Variants in SRPK2 observed in about 807,000 individuals in gnomAD.
SRPK2 encodes the protein SRSF protein kinase 2, also known as SFRS protein kinase 2.
A neutral mutation model predicts 90.8 loss-of-function variants in SRPK2; 21 were observed. The ratio of observed to expected loss-of-function variants is 0.23; its 90% confidence interval spans 0.16 to 0.33. SRPK2 has a LOEUF of 0.33. Ranked by LOEUF, SRPK2 falls within the 10% of genes least tolerant of loss-of-function variation. The pLI is 1.00. For missense variants in SRPK2, 620 were observed against 869.0 expected, an observed-to-expected ratio of 0.71 and a Z score of 3.60; for synonymous variants, 288 against 311.1, an observed-to-expected ratio of 0.93 and a Z score of 0.78.
At chr7:105,238,771 A>G (rs931482095) in intron 2 of SRPK2, among the ~76,000 whole-genome samples, 2 of 152,222 alleles carry the variant, frequency 1.3e-5, no homozygotes, top group Non-Finnish European at 2.9e-5. Context: ...TTTGATTTTA[A>G]TAAGAAAATC....
At chr7:105,282,469 CTT>C (rs1329486810) in intron 2 of SRPK2, among the ~76,000 whole-genome samples, 1 of 152,176 alleles carries the variant, frequency 6.6e-6, no homozygotes, top group Non-Finnish European at 1.5e-5. Flanking sequence ...GATAAATAAA[CTT>C]AACATCATAA....
rs1363379599 is a variant in SRPK2 at position 105,257,958 on chromosome 7, T to G, written c.72-54173A>C. 3.3e-5 allele frequency among the ~76,000 whole-genome samples: 5 copies of G among 150,728 alleles called. No homozygotes were observed. The East Asian group carries it at 6.0e-4, about 18-fold the overall frequency. The stretch of plus-strand genomic sequence containing the variant: ...CCGTCTCTACTAAAAATACAAAAAG[T>G]TAGCCAGGCGTGGTGGCACGCGCCT... On this transcript the variant is annotated intron_variant, in intron 2 of 15. Coordinates refer to ENST00000393651, the MANE Select transcript of SRPK2 (RefSeq NM_182692.3).
At chr7:105,208,225 C>T (rs761098807) in intron 2 of SRPK2, among the ~76,000 whole-genome samples, 12 of 152,082 alleles carry the variant, frequency 7.9e-5, no homozygotes, top group East Asian at 1.9e-4. Context: ...TCTTGGAAAA[C>T]GGTCTGGCAG....
At chr7:105,169,799 A>G (rs1200675229) in intron 3 of SRPK2, among the ~76,000 whole-genome samples, 2 of 152,162 alleles carry the variant, frequency 1.3e-5, no homozygotes, top group African/African-American at 4.8e-5. Context: ...CACCGTAATG[A>G]TAACTTGAGG....
intron 2 of SRPK2, among the ~76,000 whole-genome samples, chr7:105,352,465 G>C (rs996936374): frequency 6.6e-6 from 1 of 152,242 alleles, no homozygotes; most frequent in Admixed American, 6.5e-5. Context: ...CCTCAGCCAA[G>C]CCTTCAAAAT....
chr7:105,311,050 A>T (rs1811649362), intron 2 of SRPK2, among the ~76,000 whole-genome samples: 1 of 152,148 alleles, frequency 6.6e-6, no homozygotes, highest in Admixed American at 6.6e-5. Flanking sequence ...TAAAAACTGT[A>T]ATAAAAGTAA....
intron 2 of SRPK2, among the ~76,000 whole-genome samples, chr7:105,242,009 C>G (rs1158670508): frequency 6.6e-6 from 1 of 152,070 alleles, no homozygotes; most frequent in African/African-American, 2.4e-5. Flanking sequence ...AGGATCAGGT[C>G]AAATTCAATA....
chr7:105,173,408 T>C (rs1190180564), intron 3 of SRPK2, among the ~76,000 whole-genome samples: 1 of 152,228 alleles, frequency 6.6e-6, no homozygotes, highest in Non-Finnish European at 1.5e-5. Context: ...AAGTATCTTC[T>C]GACCATTCAT....
intron 3 of SRPK2, among the ~76,000 whole-genome samples, chr7:105,183,766 A>AG (rs1281414365): frequency 1.3e-5 from 2 of 152,150 alleles, no homozygotes; most frequent in African/African-American, 4.8e-5. Flanking sequence ...CTAGGGTTAC[A>AG]GGTGTGAGCC....
intron 9 of SRPK2, 80 bp from the exon 10 acceptor site, chr7:105,143,410 T>TA (rs1804087404): frequency 2.0e-6 from 3 of 1,515,344 alleles, no homozygotes; most frequent in Non-Finnish European, 2.7e-6. Context: ...GCATGGCAAA[T>TA]AGCAATAAAC....
intron 2 of SRPK2, among the ~76,000 whole-genome samples, chr7:105,358,403 G>A (rs1264012689): frequency 1.3e-5 from 2 of 151,170 alleles, no homozygotes; most frequent in Non-Finnish European, 3.0e-5. Flanking sequence ...AAATCATAAG[G>A]GGCCATGCAT....
chr7:105,373,538 G>A (rs1278265313), intron 2 of SRPK2, among the ~76,000 whole-genome samples: 2 of 151,666 alleles, frequency 1.3e-5, no homozygotes, highest in African/African-American at 4.8e-5. Context: ...TATGAACTGG[G>A]ATTACAGGCG....
At chr7:105,241,666 A>G (rs1392965539) in intron 2 of SRPK2, among the ~76,000 whole-genome samples, 1 of 152,198 alleles carries the variant, frequency 6.6e-6, no homozygotes, top group Admixed American at 6.5e-5. Flanking sequence ...TTCAGCTCTA[A>G]CAATCTACAA....
chr7:105,271,011 T>A (rs1039837807), intron 2 of SRPK2, among the ~76,000 whole-genome samples: 1 of 152,114 alleles, frequency 6.6e-6, no homozygotes, highest in African/African-American at 2.4e-5. Context: ...AACCTCAACA[T>A]CCCCATTTTT....
At chr7:105,376,431 C>G (rs555996219) in intron 2 of SRPK2, among the ~76,000 whole-genome samples, 206 of 152,152 alleles carry the variant, frequency 1.4e-3, no homozygotes, top group Non-Finnish European at 2.2e-3. Flanking sequence ...GTGCTATAAT[C>G]CCACTACTTC....
At position 105,167,277 on chromosome 7, in the gene SRPK2, T is replaced by C. The variant is rs1228449483; in HGVS notation, c.514+100A>G. 2.6e-5 allele frequency: 24 copies of C among 908,390 alleles called. No homozygotes were observed. The African/African-American group carries it at 3.8e-4, about 14-fold the overall frequency. The allele number at this position is 908,390 out of a possible 1,614,324, so 56.3% of individuals were successfully genotyped here. A position where few individuals can be genotyped will look rare whatever the true frequency, so the allele number is the denominator to read the frequency against. ...CTTGACAATGTTCCTAGAGTGTTTA[T>C]GTTGAAGGTGATACAGCAGTAAACA... On this transcript the variant is annotated intron_variant, in intron 6 of 15. Transcript: ENST00000393651.
intron 2 of SRPK2, among the ~76,000 whole-genome samples, chr7:105,327,132 C>A (rs1257595510): frequency 1.3e-5 from 2 of 151,714 alleles, no homozygotes; most frequent in East Asian, 3.9e-4. Flanking sequence ...AATTTAGCAG[C>A]ATATTCCATG....
intron 2 of SRPK2, among the ~76,000 whole-genome samples, chr7:105,204,166 A>G (rs775580008): frequency 1.1e-3 from 172 of 152,332 alleles, no homozygotes; most frequent in Middle Eastern, 3.4e-3. Flanking sequence ...CATCACAACG[A>G]TTATAAAAAG....
At chr7:105,388,383 G>A (rs1220051655) in intron 2 of SRPK2, among the ~76,000 whole-genome samples, 9 of 149,766 alleles carry the variant, frequency 6.0e-5, no homozygotes, top group African/African-American at 2.2e-4. Flanking sequence ...CCGGCCTCCC[G>A]CCCGCCGGCC....
Sources: gnomAD v4.1 joint callset for allele counts (sites outside exome capture counted in the v4.1 genomes callset) on GRCh38, gnomAD v4.1.1 for gene constraint, MANE v1.5 for transcripts, NCBI Gene and HGNC (gene_info 2026-07-23, HGNC 2026-07-21) for gene names.